SBF2: variants seen among roughly 807,000 people sequenced by gnomAD.
SBF2 encodes myotubularin-related protein 13.
SBF2 carries 112 observed loss-of-function variants against 225.2 expected under a neutral mutation model. The ratio of observed to expected loss-of-function variants is 0.50; its 90% CI spans 0.43 to 0.58. SBF2 has a LOEUF of 0.58. SBF2 is among the 20% of genes least tolerant of loss of function. The pLI is 0.00. For synonymous variants in SBF2, 763 were observed against 773.3 expected, an observed-to-expected ratio of 0.99 and a Z score of 0.22; for missense variants, 1,996 against 2,206.2, an observed-to-expected ratio of 0.90 and a Z score of 1.91.
At chr11:9,966,195 C>T (rs1347677428) in intron 14 of SBF2, among the ~76,000 whole-genome samples, 1 of 151,882 alleles carries the variant, frequency 6.6e-6, no homozygotes, top group African/African-American at 2.4e-5. Context: ...AAGTGATTCT[C>T]CTCCTGCCTT....
At chr11:10,158,372 G>GA (rs1028574407) in intron 2 of SBF2, among the ~76,000 whole-genome samples, 5 of 151,702 alleles carry the variant, frequency 3.3e-5, no homozygotes, top group South Asian at 2.1e-4. Context: ...GAAAGCAAAA[G>GA]AAAAAAATCA....
Position 9,784,438 on chromosome 11 carries a change from C to T in SBF2, c.5232G>A (p.Arg1744=). Residue 1744 remains arginine, a splice_region_variant and synonymous_variant, in exon 38 of 40, where the codon AGG becomes AGA. Transcript: ENST00000256190. The part of the protein sequence containing the change: ...SQYTSKNDEN[R]SFEGTLYKRG... ...TTTTATAAAGTGTTCCCTCAAAGGA[C>T]CTAGAAGAAATGATGACAGGAGAGT... 1 of 1,611,192 alleles carries T rather than the reference C, an allele frequency of 6.2e-7. No individual in the cohort carries two copies. Among genetic ancestry groups the T allele is most frequent in the Non-Finnish European group, 8.5e-7 (1 of 1,177,370 alleles).
intron 17 of SBF2, among the ~76,000 whole-genome samples, chr11:9,875,349 AG>A (rs1859135078): frequency 6.6e-6 from 1 of 152,204 alleles, no homozygotes; most frequent in Admixed American, 6.5e-5. Flanking sequence ...CTCACTTCTA[AG>A]GCTTCTAGGA....
chr11:9,803,242 T>TA (rs1245948813), intron 32 of SBF2, among the ~76,000 whole-genome samples: 1 of 152,062 alleles, frequency 6.6e-6, no homozygotes, highest in Non-Finnish European at 1.5e-5. Context: ...AGATGAATCT[T>TA]AAATTCAGCT....
chr11:10,170,980 T>G (rs1048123817), intron 2 of SBF2, among the ~76,000 whole-genome samples: 7 of 152,202 alleles, frequency 4.6e-5, no homozygotes, highest in African/African-American at 1.4e-4. Flanking sequence ...GATTTTTGTA[T>G]GCTAACTTTG....
intron 1 of SBF2, among the ~76,000 whole-genome samples, chr11:10,275,771 AC>A (rs1199759317): frequency 6.6e-6 from 1 of 152,210 alleles, no homozygotes; most frequent in Non-Finnish European, 1.5e-5. Context: ...AAATATTTTA[AC>A]AAAAAATTCT....
At chr11:10,172,008 G>A in intron 2 of SBF2, among the ~76,000 whole-genome samples, 1 of 151,820 alleles carries the variant, frequency 6.6e-6, no homozygotes, top group East Asian at 1.9e-4. Context: ...TTTAATCTCT[G>A]GTTTTATTTA....
chr11:10,028,737 A>G (rs1949140843), intron 5 of SBF2, among the ~76,000 whole-genome samples, 180 bp from the exon 6 acceptor site: 1 of 152,264 alleles, frequency 6.6e-6, no homozygotes, highest in African/African-American at 2.4e-5. Flanking sequence ...TAAGTGGCAT[A>G]AGAAAATTCA....
chr11:10,121,205 C>T (rs943117733), intron 2 of SBF2, among the ~76,000 whole-genome samples: 6 of 152,114 alleles, frequency 3.9e-5, no homozygotes, highest in African/African-American at 9.7e-5. Context: ...GTCAGAAATA[C>T]GGGATCAGCA....
At chr11:9,978,273 C>G (rs1380412875) in intron 13 of SBF2, among the ~76,000 whole-genome samples, 1 of 152,110 alleles carries the variant, frequency 6.6e-6, no homozygotes, top group Non-Finnish European at 1.5e-5. Flanking sequence ...ATGATTTTGT[C>G]ATCACGGACT....
chr11:9,853,629 A>C lies in SBF2; in HGVS notation c.2447T>G (p.Val816Gly). The change falls in exon 20 of 40, where the codon GTG becomes GGG. Residue 816 changes from valine to glycine, a missense_variant. Coordinates refer to ENST00000256190, the MANE Select transcript of SBF2 (RefSeq NM_030962.4). ...SENTDIANSV[V>G]RFITRFIDKV... The stretch of plus-strand genomic sequence containing the variant: ...GTCAATAAATCGGGTAATGAACCGC[A>C]CAACAGAATTGGCAATGTCAGTATT... The C allele has an allele frequency of 6.2e-7, 1 of 1,614,000 alleles. No homozygotes were observed.
chr11:9,913,177 AGGAG>A (rs1862787151), intron 16 of SBF2, among the ~76,000 whole-genome samples: 1 of 152,132 alleles, frequency 6.6e-6, no homozygotes, highest in African/African-American at 2.4e-5. Context: ...TCAGCTATTC[AGGAG>A]GTTGAGGTGG....
chr11:9,983,241 G>A (rs556482789), intron 13 of SBF2, among the ~76,000 whole-genome samples: 9 of 152,312 alleles, frequency 5.9e-5, no homozygotes, highest in Non-Finnish European at 1.3e-4. Flanking sequence ...CTACTGGGGG[G>A]CACAGCGGGA....
chr11:10,200,525 A>C (rs17294511), intron 1 of SBF2, among the ~76,000 whole-genome samples: 7,848 of 152,284 alleles, frequency 0.052, 305 homozygotes, highest in Middle Eastern at 0.14. Flanking sequence ...TGAATGAAAC[A>C]TGTAAATCCC....
At position 10,002,709 on chromosome 11, in the gene SBF2, G is replaced by A. The variant is rs1182385113; in HGVS notation, c.620-20C>T. ...GAATTCCTGAAAACATAAGAGCAAG[G>A]ACTTACAAATGCATTTAATTTTATA... On this transcript the variant is annotated intron_variant, in intron 6 of 39. Coordinates refer to ENST00000256190, the MANE Select transcript of SBF2 (RefSeq NM_030962.4). The A allele has an allele frequency of 6.2e-7, 1 of 1,610,312 alleles. No homozygotes were observed. Among genetic ancestry groups the A allele is most frequent in the African/African-American group, 1.3e-5 (1 of 74,796 alleles).
intron 2 of SBF2, among the ~76,000 whole-genome samples, chr11:10,062,284 A>C (rs1406951551): frequency 6.6e-6 from 1 of 152,224 alleles, no homozygotes; most frequent in Non-Finnish European, 1.5e-5. Context: ...GAATAGGCAA[A>C]GATTTCATGA....
chr11:9,913,143 G>A (rs1317599988), intron 16 of SBF2, among the ~76,000 whole-genome samples: 24 of 152,154 alleles, frequency 1.6e-4, no homozygotes, highest in Admixed American at 1.6e-3. Context: ...AATTACCTCG[G>A]TGTGGTGGCA....
rs113460191 is a variant in SBF2 at position 9,929,821 on chromosome 11, C to T, written c.1860+32136G>A. Among the ~76,000 whole-genome samples, 254 of 152,186 alleles carry T rather than the reference C, an allele frequency of 1.7e-3. 1 individual carries two copies. The highest frequency in any genetic ancestry group is 6.8e-3 in the Middle Eastern group (2 of 294). On this transcript the variant is annotated intron_variant, in intron 16 of 39. Transcript: ENST00000256190. ...ATGCAGAAAATGCTTTCCAAGAGTT[C>T]GTTGAATCTTGAAGCACAGACATTT... is the stretch of plus-strand genomic sequence containing the variant.
chr11:10,015,240 G>A (rs1454425481), intron 6 of SBF2, among the ~76,000 whole-genome samples: 1 of 152,176 alleles, frequency 6.6e-6, no homozygotes, highest in Non-Finnish European at 1.5e-5. Context: ...GGTGGGTACT[G>A]CATACATAGG....
Sources: allele counts gnomAD v4.1 joint callset (sites outside exome capture counted in the v4.1 genomes callset), GRCh38; gene constraint gnomAD v4.1.1; transcripts MANE v1.5; gene names NCBI Gene and HGNC (gene_info 2026-07-23, HGNC 2026-07-21).